The following SCGN variants were observed in gnomAD, a reference collection of about 807,000 sequenced individuals.
The protein encoded by SCGN is secretagogin.
A neutral mutation model predicts 39.7 loss-of-function variants in SCGN; 30 were observed. The ratio of observed to expected loss-of-function variants is 0.76; its 90% confidence interval spans 0.57 to 1.03. The LOEUF (loss-of-function observed/expected upper bound fraction) is 1.03, where lower values mean the gene tolerates loss of function less well. Among genes scored for constraint, SCGN ranks in the 50% least tolerant of loss-of-function variants. The probability of loss-of-function intolerance (pLI) is 0.00; values close to 1 mark genes in which losing one functional copy is unlikely to be tolerated. For missense variants in SCGN, 353 were observed against 349.4 expected (o/e 1.01, Z -0.08); for synonymous variants, 106 against 114.1 (o/e 0.93, Z 0.45).
chr6:25,674,827 A>T (rs1164495341), intron 6 of SCGN, among the ~76,000 whole-genome samples: 1 of 152,192 alleles, frequency 6.6e-6, no homozygotes, highest in Non-Finnish European at 1.5e-5. Context: ...TCAAATTATG[A>T]TACTGAATTT....
intron 9 of SCGN, 122 bp downstream of exon 9, chr6:25,689,654 G>T: frequency 1.3e-6 from 1 of 775,016 alleles, no homozygotes; most frequent in Admixed American, 2.2e-5. Flanking sequence ...TCCCATCTGT[G>T]TGTTCTAGGT....
chr6:25,695,047 C>A (rs574411004), intron 10 of SCGN, among the ~76,000 whole-genome samples: 1 of 152,070 alleles, frequency 6.6e-6, no homozygotes, highest in Non-Finnish European at 1.5e-5. Context: ...GTAAGCTTAT[C>A]TTATAGTTTT....
At chr6:25,664,215 T>C (rs1183230624) in intron 3 of SCGN, among the ~76,000 whole-genome samples, 1 of 152,242 alleles carries the variant, frequency 6.6e-6, no homozygotes, top group Non-Finnish European at 1.5e-5. Flanking sequence ...TGTTGTAGTA[T>C]CTTATAGACA....
intron 2 of SCGN, among the ~76,000 whole-genome samples, chr6:25,655,102 A>C (rs946155092): frequency 6.6e-6 from 1 of 152,180 alleles, no homozygotes; most frequent in Admixed American, 6.5e-5. Flanking sequence ...TGTTCCAGAA[A>C]CCCATCTTAT....
Position 25,689,189 on chromosome 6 carries a change from A to G in SCGN, c.545A>G (p.Glu182Gly), listed in dbSNP as rs1439282345. The G allele has an allele frequency of 1.9e-6, 3 of 1,597,748 alleles. No homozygotes were observed. Among genetic ancestry groups the G allele is most frequent in the Non-Finnish European group, 2.6e-6 (3 of 1,170,102 alleles). ...CTATTTAGGATTCTGGCTCTTCAGGAAAACTTCCTTCTCCAATTTAAAATG... is the reference window on the plus strand; with the variant it reads ...CTATTTAGGATTCTGGCTCTTCAGGGAAACTTCCTTCTCCAATTTAAAATG... ...NDLARILALQ[E>G]NFLLQFKMDA... is the part of the protein sequence containing the mutation. Residue 182 changes from glutamate to glycine, a missense_variant, in exon 8 of 11, where the codon GAA (glutamate) becomes GGA (glycine). Coordinates refer to ENST00000377961, the MANE Select transcript of SCGN (RefSeq NM_006998.4).
At chr6:25,700,368 C>CT (rs1317144480) in intron 10 of SCGN, among the ~76,000 whole-genome samples, 7 of 152,104 alleles carry the variant, frequency 4.6e-5, no homozygotes, top group African/African-American at 1.4e-4. Context: ...TTAGACCAGC[C>CT]TTTTCTCCAT....
chr6:25,689,588 C>A (rs1488068929), intron 9 of SCGN, 56 bp downstream of exon 9: 7 of 1,439,616 alleles, frequency 4.9e-6, no homozygotes, highest in South Asian at 1.2e-5. Flanking sequence ...ACTTATTTAA[C>A]CCCTATGTGG....
intron 2 of SCGN, 42 bp from the exon 3 acceptor site, chr6:25,661,510 G>A: frequency 7.5e-7 from 1 of 1,324,608 alleles, no homozygotes; most frequent in Non-Finnish European, 1.1e-6. Flanking sequence ...ATATCTTTGA[G>A]ATTCCAGTGG....
intron 6 of SCGN, among the ~76,000 whole-genome samples, chr6:25,676,509 G>A (rs1394787552): frequency 6.6e-6 from 1 of 152,098 alleles, no homozygotes; most frequent in African/African-American, 2.4e-5. Flanking sequence ...TGCTGCCACA[G>A]GTTCTTTGCA....
chr6:25,653,632 C>G (rs1324959226), intron 2 of SCGN, among the ~76,000 whole-genome samples, 180 bp downstream of exon 2: 1 of 152,212 alleles, frequency 6.6e-6, no homozygotes, highest in Non-Finnish European at 1.5e-5. Flanking sequence ...AAAGGTGCAA[C>G]TGTAGCATTA....
At chr6:25,658,742 C>G (rs1432403545) in intron 2 of SCGN, among the ~76,000 whole-genome samples, 1 of 152,144 alleles carries the variant, frequency 6.6e-6, no homozygotes, top group African/African-American at 2.4e-5. Context: ...ACCATTAATT[C>G]ATTAACCTCT....
At chr6:25,654,812 A>G (rs568895012) in intron 2 of SCGN, among the ~76,000 whole-genome samples, 1 of 151,552 alleles carries the variant, frequency 6.6e-6, no homozygotes, top group African/African-American at 2.4e-5. Flanking sequence ...CCTGCACTCC[A>G]CCCCTTACCC....
intron 6 of SCGN, among the ~76,000 whole-genome samples, chr6:25,671,112 TA>T (rs1759493585): frequency 6.6e-6 from 1 of 152,212 alleles, no homozygotes; most frequent in Admixed American, 6.5e-5. Flanking sequence ...AAGAGTTTGT[TA>T]AAATGTGTAC....
chr6:25,654,732 C>T (rs1160997970), intron 2 of SCGN, among the ~76,000 whole-genome samples: 2 of 152,074 alleles, frequency 1.3e-5, no homozygotes, highest in African/African-American at 2.4e-5. Context: ...CTTTTCTCCA[C>T]ATTTTCTCCT....
intron 6 of SCGN, among the ~76,000 whole-genome samples, chr6:25,671,557 A>T (rs1256221235): frequency 2.0e-5 from 3 of 152,254 alleles, no homozygotes; most frequent in Admixed American, 2.0e-4. Context: ...TAAGGAAATT[A>T]TTCAGCTTCT....
At chr6:25,667,531 A>G (rs956760072) in intron 4 of SCGN, among the ~76,000 whole-genome samples, 3 of 152,212 alleles carry the variant, frequency 2.0e-5, no homozygotes, top group Non-Finnish European at 4.4e-5. Flanking sequence ...TGTCCAGAAT[A>G]TTAGTTCTAT....
rs757773066 is a variant in SCGN, at chr6:25,701,218, C to G, written c.714C>G (p.Ser238Arg). Residue 238 changes from serine to arginine, a missense_variant, in exon 11 of 11, where the codon AGC becomes AGG. Transcript: ENST00000377961. ...TTTGTCGCCCTCAGCCCAGCATCAG[C>G]GGGGTGGACCTTGATAAGTTCCGCG... ...DMMELVQPSI[S>R]GVDLDKFREI... 1.2e-6 allele frequency: 2 copies of G among 1,611,100 alleles called. No individual in the cohort carries two copies. The highest frequency in any genetic ancestry group is 2.2e-5 in the South Asian group (2 of 90,274).
chr6:25,656,181 G>T (rs1760224134), intron 2 of SCGN, among the ~76,000 whole-genome samples: 1 of 152,178 alleles, frequency 6.6e-6, no homozygotes, highest in African/African-American at 2.4e-5. Context: ...GTCACCATTT[G>T]ATTGTGACAC....
intron 7 of SCGN, among the ~76,000 whole-genome samples, chr6:25,684,278 AGAG>A (rs1759675712): frequency 6.6e-6 from 1 of 152,224 alleles, no homozygotes; most frequent in Non-Finnish European, 1.5e-5. Context: ...AGCACTGAAC[AGAG>A]ATGAAAGGCA....
Sources: gnomAD v4.1 joint callset for allele counts (sites outside exome capture counted in the v4.1 genomes callset) on GRCh38, gnomAD v4.1.1 for gene constraint, MANE v1.5 for transcripts, NCBI Gene and HGNC (gene_info 2026-07-23, HGNC 2026-07-21) for gene names.